SKA2: variants seen among roughly 807,000 people sequenced by gnomAD.
SKA2 encodes spindle and kinetochore-associated protein 2.
SKA2 carries 13 observed loss-of-function variants against 16.9 expected under a neutral mutation model. That is an observed-to-expected ratio of 0.77 (90% CI 0.50 to 1.22). The LOEUF is 1.22. Ranked by LOEUF, SKA2 falls within the 50% of genes most tolerant of loss-of-function variation. The pLI is 0.00. For missense variants in SKA2, 107 were observed against 139.7 expected, an observed-to-expected ratio of 0.77 and a Z score of 1.18; for synonymous variants, 47 against 48.5, an observed-to-expected ratio of 0.97 and a Z score of 0.13.
intron 1 of SKA2, among the ~76,000 whole-genome samples, chr17:59,133,291 A>G (rs1280823962): frequency 6.6e-6 from 1 of 152,212 alleles, no homozygotes; most frequent in Non-Finnish European, 1.5e-5. Context: ...CAAGCGGTAT[A>G]ATCAATGAAT....
chr17:59,141,333 G>A (rs542037504), intron 1 of SKA2, among the ~76,000 whole-genome samples: 87 of 152,084 alleles, frequency 5.7e-4, no homozygotes, highest in African/African-American at 2.0e-3. Flanking sequence ...GGAAGCGGAG[G>A]TTGCAATGAG....
intron 3 of SKA2, among the ~76,000 whole-genome samples, chr17:59,113,958 A>G (rs1368215599): frequency 2.0e-5 from 3 of 152,158 alleles, no homozygotes; most frequent in Admixed American, 6.6e-5. Context: ...TCACAGCTCT[A>G]ATATCCTGGA....
At chr17:59,128,991 GA>G (rs1350525424) in intron 2 of SKA2, among the ~76,000 whole-genome samples, 1 of 152,142 alleles carries the variant, frequency 6.6e-6, no homozygotes, top group Non-Finnish European at 1.5e-5. Flanking sequence ...ACAAAGATGA[GA>G]GATGGAAGTC....
intron 1 of SKA2, among the ~76,000 whole-genome samples, chr17:59,139,953 G>A (rs1002214867): frequency 2.0e-5 from 3 of 152,202 alleles, no homozygotes; most frequent in Admixed American, 1.3e-4. Context: ...TTTAAAACAC[G>A]TTTTAAGGGA....
At chr17:59,119,616 T>A in intron 2 of SKA2, 121 bp from the exon 3 acceptor site, 1 of 876,756 alleles carries the variant, frequency 1.1e-6, no homozygotes, top group Non-Finnish European at 1.7e-6. Flanking sequence ...GTTGAGTATT[T>A]AATTATGCAG....
chr17:59,140,182 G>A (rs1289192769), intron 1 of SKA2, among the ~76,000 whole-genome samples: 1 of 151,772 alleles, frequency 6.6e-6, no homozygotes, highest in Admixed American at 6.6e-5. Flanking sequence ...GCAACCAGAG[G>A]GGATAAAAGT....
chr17:59,112,476 A>G, intron 3 of SKA2, 131 bp from the exon 4 acceptor site: 1 of 645,498 alleles, frequency 1.5e-6, no homozygotes, highest in Non-Finnish European at 2.5e-6. Flanking sequence ...ACAGATTTAG[A>G]AAGGCAAGGG....
chr17:59,132,524 G>A (rs1314939891), intron 1 of SKA2, among the ~76,000 whole-genome samples: 1 of 152,190 alleles, frequency 6.6e-6, no homozygotes, highest in Non-Finnish European at 1.5e-5. Context: ...ATTAGCTGGG[G>A]ATAGTGGCAT....
chr17:59,140,233 T>C (rs75258509), intron 1 of SKA2, among the ~76,000 whole-genome samples: 1 of 136,964 alleles, frequency 7.3e-6, no homozygotes, highest in South Asian at 2.2e-4. Context: ...ATCTGCAAGC[T>C]TTTTTTTTTT....
intron 1 of SKA2, among the ~76,000 whole-genome samples, chr17:59,153,673 AG>A: frequency 6.6e-6 from 1 of 152,380 alleles, no homozygotes; most frequent in Middle Eastern, 3.4e-3. Flanking sequence ...GCTTGAAGAA[AG>A]CAGGGCAGGC....
chr17:59,140,348 C>A (rs2046478515), intron 1 of SKA2, among the ~76,000 whole-genome samples: 1 of 152,102 alleles, frequency 6.6e-6, no homozygotes, highest in Non-Finnish European at 1.5e-5. Flanking sequence ...CCTGCCTCAG[C>A]CTCCCGAGTA....
At chr17:59,136,898 A>G (rs1342173117) in intron 1 of SKA2, among the ~76,000 whole-genome samples, 1 of 152,224 alleles carries the variant, frequency 6.6e-6, no homozygotes, top group Non-Finnish European at 1.5e-5. Context: ...TAAATGAGAA[A>G]ATAGCAAAGT....
intron 2 of SKA2, among the ~76,000 whole-genome samples, chr17:59,130,972 A>T (rs1282595719): frequency 6.6e-6 from 1 of 152,188 alleles, no homozygotes; most frequent in African/African-American, 2.4e-5. Context: ...TTACTGAAGA[A>T]CAACTGCCCT....
intron 1 of SKA2, among the ~76,000 whole-genome samples, chr17:59,133,239 G>A (rs115123431): frequency 0.011 from 1,740 of 152,326 alleles, 38 homozygotes; most frequent in African/African-American, 0.04. Context: ...TGGAATTACA[G>A]ACGTGAGCCA....
At chr17:59,136,055 T>C (rs1481384526) in intron 1 of SKA2, among the ~76,000 whole-genome samples, 1 of 150,402 alleles carries the variant, frequency 6.6e-6, no homozygotes, top group Non-Finnish European at 1.5e-5. Flanking sequence ...AGACCCCATC[T>C]CCAAAAGGAA....
At chr17:59,139,181 A>T (rs2046468601) in intron 1 of SKA2, among the ~76,000 whole-genome samples, 1 of 152,032 alleles carries the variant, frequency 6.6e-6, no homozygotes, top group Non-Finnish European at 1.5e-5. Context: ...GCGGAGCACG[A>T]GGTCAGGAGA....
At chr17:59,112,507 T>C (rs1485931491) in intron 3 of SKA2, among the ~76,000 whole-genome samples, 162 bp from the exon 4 acceptor site, 1 of 152,246 alleles carries the variant, frequency 6.6e-6, no homozygotes, top group Non-Finnish European at 1.5e-5. Flanking sequence ...TACTTGGCTA[T>C]TTATATACAA....
chr17:59,123,052 A>G lies in SKA2; in HGVS notation c.121-3557T>C, dbSNP rs372809235. ...AAAAAAAAAAAAAGAAAAGAAAAGAAAAGAAAAACTAAGCAAATGGAAGGA... is the reference window on the plus strand; with the variant it reads ...AAAAAAAAAAAAAGAAAAGAAAAGAGAAGAAAAACTAAGCAAATGGAAGGA... On this transcript the variant is annotated intron_variant, in intron 2 of 3. Coordinates refer to ENST00000330137, the MANE Select transcript of SKA2 (RefSeq NM_182620.4). Among the ~76,000 whole-genome samples, 54 of 151,230 alleles carry G rather than the reference A, an allele frequency of 3.6e-4. 2 individuals are homozygous for G. In the East Asian group the frequency reaches 5.6e-3, roughly 16 times the overall value.
chr17:59,116,363 A>G (rs915211967), intron 3 of SKA2, among the ~76,000 whole-genome samples: 1 of 152,080 alleles, frequency 6.6e-6, no homozygotes, highest in Admixed American at 6.5e-5. Flanking sequence ...ACAGAGGGAG[A>G]CTCCGTCTCA....
Sources: allele counts gnomAD v4.1 joint callset (sites outside exome capture counted in the v4.1 genomes callset), GRCh38; gene constraint gnomAD v4.1.1; transcripts MANE v1.5; gene names NCBI Gene and HGNC (gene_info 2026-07-23, HGNC 2026-07-21).